Variants in PUM1 observed in about 807,000 individuals in gnomAD.
PUM1 encodes the protein pumilio RNA binding family member 1.
A neutral mutation model predicts 131.8 loss-of-function variants in PUM1; 13 were observed. The observed-to-expected ratio is 0.10, with a 90% CI of 0.06 to 0.16. The LOEUF is 0.16. Among genes scored for constraint, PUM1 ranks in the 10% least tolerant of loss-of-function variants. The pLI is 1.00. For missense variants in PUM1, 961 were observed against 1,512.4 expected (o/e 0.64, Z 6.05); for synonymous variants, 509 against 556.5 (o/e 0.91, Z 1.20).
At chr1:30,956,642 T>C (rs1203276952) in intron 14 of PUM1, among the ~76,000 whole-genome samples, 1 of 152,124 alleles carries the variant, frequency 6.6e-6, no homozygotes, top group Non-Finnish European at 1.5e-5. Context: ...AAAGAGGTGG[T>C]AACAGGGTAG....
intron 8 of PUM1, 52 bp downstream of exon 8, chr1:30,981,260 C>T (rs1641345666): frequency 2.5e-6 from 3 of 1,205,644 alleles, no homozygotes; most frequent in Non-Finnish European, 2.3e-6. Flanking sequence ...ACCAGTTATC[C>T]TAAAATGGCG....
At chr1:30,972,153 G>A (rs980042133) in intron 10 of PUM1, among the ~76,000 whole-genome samples, 1 of 150,304 alleles carries the variant, frequency 6.7e-6, no homozygotes, top group Non-Finnish European at 1.5e-5. Flanking sequence ...TACTAGGGAG[G>A]CTGAGGCACG....
intron 14 of PUM1, 66 bp from the exon 15 acceptor site, chr1:30,954,047 G>T: frequency 6.7e-7 from 1 of 1,494,784 alleles, no homozygotes. Flanking sequence ...AGAGAAAAAA[G>T]CATTCCCACA....
intron 13 of PUM1, 148 bp downstream of exon 13, chr1:30,965,834 T>G: frequency 1.3e-6 from 1 of 764,540 alleles, no homozygotes; most frequent in Non-Finnish European, 2.0e-6. Context: ...ATTTCAATAG[T>G]CTATCATCTC....
chr1:30,993,383 G>A (rs1641869420), intron 6 of PUM1, among the ~76,000 whole-genome samples: 1 of 148,534 alleles, frequency 6.7e-6, no homozygotes, highest in South Asian at 2.1e-4. Flanking sequence ...GATAATTATT[G>A]TAGGACACAA....
At chr1:31,029,760 A>C (rs937326692) in intron 2 of PUM1, among the ~76,000 whole-genome samples, 1 of 152,034 alleles carries the variant, frequency 6.6e-6, no homozygotes, top group African/African-American at 2.4e-5. Flanking sequence ...CTCTCTACAA[A>C]AAATATAAAA....
chr1:31,009,937 T>C (rs950795418), intron 3 of PUM1, among the ~76,000 whole-genome samples: 13 of 152,138 alleles, frequency 8.5e-5, no homozygotes, highest in African/African-American at 3.1e-4. Flanking sequence ...AGTTCTGGGA[T>C]CCTGTCACCT....
At chr1:31,000,338 A>G (rs1341575657) in intron 5 of PUM1, among the ~76,000 whole-genome samples, 1 of 152,232 alleles carries the variant, frequency 6.6e-6, no homozygotes, top group East Asian at 1.9e-4. Context: ...GCTCAAATAC[A>G]AACTTCAGTA....
rs145993966 is a variant in PUM1 at position 31,059,430 on chromosome 1, G to A, written c.137C>T (p.Ala46Val). The part of the protein sequence containing the change: ...VVLTSGTGSQ[A>V]QPQPAANQAL... ...CTGATTTGCAGCTGGTTGTGGCTGC[G>A]CTTGCGACCCTGTTCCAGATGTCAA... is the stretch of plus-strand genomic sequence containing the variant. The change falls in exon 2 of 22, where the codon GCG becomes GTG. Residue 46 changes from alanine (A) to valine (V), a missense_variant. Transcript: ENST00000426105. 5.5e-5 allele frequency: 88 copies of A among 1,614,160 alleles called. No homozygotes were observed. Among genetic ancestry groups the A allele is most frequent in the African/African-American group, 3.3e-4 (25 of 75,050 alleles).
intron 3 of PUM1, among the ~76,000 whole-genome samples, chr1:31,016,382 T>A (rs1642817021): frequency 6.6e-6 from 1 of 152,212 alleles, no homozygotes; most frequent in African/African-American, 2.4e-5. Context: ...CCAGTTTTTT[T>A]AATTAAAAAT....
intron 9 of PUM1, among the ~76,000 whole-genome samples, chr1:30,979,742 G>C (rs182528244): frequency 8.3e-4 from 126 of 152,244 alleles, no homozygotes; most frequent in African/African-American, 2.3e-3. Context: ...AAAAGTACCT[G>C]AACTATATGA....
At position 30,968,367 on chromosome 1, in the gene PUM1, T is replaced by C. The variant is rs149265040; in HGVS notation, c.1632A>G (p.Ala544=). Residue 544 remains alanine, a synonymous_variant, in exon 11 of 22, where the codon GCA becomes GCG. Transcript: ENST00000426105. ...NSALAFGQGL[A]AGMPGYPVLA... ...ATGCAGCCGCACCTGGCATGCCTGCTGCCAGACCTTGTCCAAATGCAAGGG... is the reference window on the plus strand; with the variant it reads ...ATGCAGCCGCACCTGGCATGCCTGCCGCCAGACCTTGTCCAAATGCAAGGG... 3.8e-6 allele frequency: 6 copies of C among 1,584,378 alleles called. No individual in the cohort carries two copies. The African/African-American group carries it at 8.2e-5, about 22-fold the overall frequency.
chr1:30,961,200 TAAATA>T (rs1250788867), intron 14 of PUM1, among the ~76,000 whole-genome samples: 1 of 150,146 alleles, frequency 6.7e-6, no homozygotes, highest in Non-Finnish European at 1.5e-5. Context: ...CTCAAAAAAA[TAAATA>T]AAATAAAATA....
intron 10 of PUM1, among the ~76,000 whole-genome samples, chr1:30,969,528 G>T (rs1373416745): frequency 6.6e-6 from 1 of 152,038 alleles, no homozygotes; most frequent in Non-Finnish European, 1.5e-5. Context: ...ATTCGATTTG[G>T]TAGGGCTCTC....
At chr1:31,005,332 GGT>G (rs1246596309) in intron 5 of PUM1, among the ~76,000 whole-genome samples, 3 of 150,830 alleles carry the variant, frequency 2.0e-5, no homozygotes. Context: ...TGACAGGCCA[GGT>G]GTGAGAAACA....
At chr1:31,044,783 C>A (rs957069208) in intron 2 of PUM1, among the ~76,000 whole-genome samples, 4 of 151,966 alleles carry the variant, frequency 2.6e-5, no homozygotes, top group African/African-American at 9.7e-5. Context: ...TCCAGCCCAG[C>A]TAATTTTTAT....
chr1:31,048,975 G>A (rs1644039583), intron 2 of PUM1, among the ~76,000 whole-genome samples: 1 of 152,116 alleles, frequency 6.6e-6, no homozygotes, highest in Non-Finnish European at 1.5e-5. Context: ...GGAGGCTGAG[G>A]CGGGTAGATC....
chr1:30,947,311 A>G (rs184837952), intron 17 of PUM1, among the ~76,000 whole-genome samples: 2 of 152,354 alleles, frequency 1.3e-5, no homozygotes, highest in African/African-American at 4.8e-5. Context: ...ATTTCAAACT[A>G]TGGATAGAAA....
At chr1:30,977,865 T>C (rs567863382) in intron 9 of PUM1, among the ~76,000 whole-genome samples, 4 of 152,276 alleles carry the variant, frequency 2.6e-5, no homozygotes, top group Non-Finnish European at 5.9e-5. Context: ...CTATATACTA[T>C]AGTGAAGCAT....
Sources: allele counts gnomAD v4.1 joint callset (sites outside exome capture counted in the v4.1 genomes callset), GRCh38; gene constraint gnomAD v4.1.1; transcripts MANE v1.5; gene names NCBI Gene and HGNC (gene_info 2026-07-23, HGNC 2026-07-21).